FBXL17: variants seen among roughly 807,000 people sequenced by gnomAD.
FBXL17 encodes the protein F-box and leucine rich repeat protein 17.
Under a neutral mutation model 66.2 loss-of-function variants are expected in FBXL17, and 22 were observed. That is an observed-to-expected ratio of 0.33 (90% CI 0.24 to 0.47). The LOEUF (loss-of-function observed/expected upper bound fraction) is 0.47, where lower values mean the gene tolerates loss of function less well. FBXL17 is among the 20% of genes least tolerant of loss of function. The pLI is 1.00. For synonymous variants in FBXL17, 474 were observed against 400.5 expected, an observed-to-expected ratio of 1.18 and a Z score of -2.19; for missense variants, 878 against 948.2, an observed-to-expected ratio of 0.93 and a Z score of 0.97.
rs554444610 is a variant in FBXL17, at chr5:108,365,030, C to A, written c.1117-35G>T. The A allele has an allele frequency of 2.6e-6, 4 of 1,513,506 alleles. No individual in the cohort carries two copies. In the Admixed American group the frequency reaches 6.2e-5, roughly 23 times the overall value. The allele number at this position is 1,513,506 out of a possible 1,614,324, so 93.8% of individuals were successfully genotyped here. A position where few individuals can be genotyped will look rare whatever the true frequency, so the allele number is the denominator to read the frequency against. ...AAAAAGCAATAAATTTAAACTTTTG[C>A]TAAAAATAAAAACGTATTTTCCATT... On this transcript the variant is annotated intron_variant, in intron 2 of 8. Coordinates refer to ENST00000542267, the MANE Select transcript of FBXL17 (RefSeq NM_001163315.3).
At chr5:108,029,206 AGTCAT>A (rs1754939995) in intron 6 of FBXL17, among the ~76,000 whole-genome samples, 1 of 152,130 alleles carries the variant, frequency 6.6e-6, no homozygotes, top group South Asian at 2.1e-4. Flanking sequence ...AGAATAGGAT[AGTCAT>A]GACTTCTTGT....
intron 4 of FBXL17, among the ~76,000 whole-genome samples, chr5:108,336,868 AC>A (rs1760408276): frequency 1.3e-5 from 2 of 152,170 alleles, no homozygotes; most frequent in African/African-American, 4.8e-5. Context: ...TAAAAGCTAT[AC>A]TTTTATGTAC....
At chr5:108,129,693 T>C (rs1042654272) in intron 6 of FBXL17, among the ~76,000 whole-genome samples, 1 of 151,970 alleles carries the variant, frequency 6.6e-6, no homozygotes, top group Admixed American at 6.6e-5. Context: ...ATATATCAAA[T>C]TGCATTCCTT....
intron 1 of FBXL17, among the ~76,000 whole-genome samples, chr5:108,377,249 T>C (rs1345970228): frequency 1.3e-5 from 2 of 152,236 alleles, no homozygotes; most frequent in Non-Finnish European, 2.9e-5. Context: ...ATGTGCATAG[T>C]TTCACGTTAT....
intron 6 of FBXL17, among the ~76,000 whole-genome samples, chr5:108,070,909 G>A (rs1748306752): frequency 1.3e-5 from 2 of 152,172 alleles, no homozygotes; most frequent in African/African-American, 4.8e-5. Context: ...ACTCTTTGGT[G>A]TAAAAGAGTT....
chr5:108,026,482 T>C (rs1580345265), intron 6 of FBXL17, among the ~76,000 whole-genome samples: 1 of 152,224 alleles, frequency 6.6e-6, no homozygotes, highest in African/African-American at 2.4e-5. Context: ...CAATTTTTCA[T>C]GTAAACTTCT....
At chr5:108,375,395 A>AC (rs1561564522) in intron 1 of FBXL17, among the ~76,000 whole-genome samples, 3 of 148,896 alleles carry the variant, frequency 2.0e-5, no homozygotes, top group Non-Finnish European at 4.5e-5. Flanking sequence ...ACACACACAC[A>AC]AAATTGGCTA....
chr5:108,007,128 T>C (rs147201324), intron 7 of FBXL17, among the ~76,000 whole-genome samples: 14 of 152,308 alleles, frequency 9.2e-5, no homozygotes, highest in Non-Finnish European at 1.9e-4. Flanking sequence ...AATGGAAGAA[T>C]ATAGGTCACT....
intron 6 of FBXL17, among the ~76,000 whole-genome samples, chr5:108,109,374 A>G (rs1193083628): frequency 6.6e-6 from 1 of 152,140 alleles, no homozygotes; most frequent in Non-Finnish European, 1.5e-5. Context: ...ATGTCTGATG[A>G]TACAGGGACA....
intron 5 of FBXL17, among the ~76,000 whole-genome samples, chr5:108,219,146 G>A (rs772349828): frequency 3.9e-5 from 6 of 152,146 alleles, no homozygotes; most frequent in Non-Finnish European, 7.4e-5. Context: ...TAAAATGTGG[G>A]TAATAATAGT....
chr5:108,064,950 T>C (rs755047466), intron 6 of FBXL17, among the ~76,000 whole-genome samples: 1 of 152,070 alleles, frequency 6.6e-6, no homozygotes, highest in Admixed American at 6.5e-5. Context: ...ATTTTAATAT[T>C]AGATATTTTA....
intron 6 of FBXL17, among the ~76,000 whole-genome samples, chr5:108,101,667 T>C (rs1749605635): frequency 6.6e-6 from 1 of 152,250 alleles, no homozygotes. Flanking sequence ...TTTTAAAATA[T>C]ACTTTGTGAT....
intron 7 of FBXL17, among the ~76,000 whole-genome samples, chr5:108,009,194 C>CATATATATATAT (rs373679985): frequency 1.5e-4 from 8 of 54,158 alleles, no homozygotes; most frequent in African/African-American, 4.9e-4. Context: ...ATTTGAAAAG[C>CATATATATATAT]ATATATATAT....
At chr5:108,237,880 T>C (rs540034285) in intron 4 of FBXL17, among the ~76,000 whole-genome samples, 1 of 152,210 alleles carries the variant, frequency 6.6e-6, no homozygotes, top group East Asian at 1.9e-4. Context: ...ATGACAGAAA[T>C]ACCAAATGAA....
At chr5:108,042,747 C>T (rs922178285) in intron 6 of FBXL17, among the ~76,000 whole-genome samples, 1 of 152,098 alleles carries the variant, frequency 6.6e-6, no homozygotes, top group Non-Finnish European at 1.5e-5. Flanking sequence ...CTTCATTTCC[C>T]GAAGACAAAT....
intron 7 of FBXL17, among the ~76,000 whole-genome samples, chr5:107,999,780 CACTT>C (rs1343669678): frequency 6.6e-6 from 1 of 152,148 alleles, no homozygotes; most frequent in Non-Finnish European, 1.5e-5. Context: ...ACTCAATAAA[CACTT>C]ACTGGTTGAT....
chr5:108,380,715 G>C lies in FBXL17; in HGVS notation c.977C>G (p.Pro326Arg). ...CAGACCCACCTTGAGCAGGATGGACGGCGGCAGCTGGTTGATGTCTGGGGT... is the reference window on the plus strand; with the variant it reads ...CAGACCCACCTTGAGCAGGATGGACCGCGGCAGCTGGTTGATGTCTGGGGT... ...PETPDINQLP[P>R]SILLKIFSNL... Residue 326 changes from proline (P) to arginine (R), a missense_variant, in exon 1 of 9, where the codon CCG becomes CGG. Transcript: ENST00000542267. 8.0e-7 allele frequency: 1 copy of C among 1,249,580 alleles called. No homozygotes were observed. Among genetic ancestry groups the C allele is most frequent in the Non-Finnish European group, 1.0e-6 (1 of 989,192 alleles). 77.4% of individuals were successfully genotyped at this position (1,249,580 alleles called of 1,614,324 possible). A position where few individuals can be genotyped will look rare whatever the true frequency, so the allele number is the denominator to read the frequency against.
chr5:108,345,526 C>G (rs557737531), intron 4 of FBXL17, among the ~76,000 whole-genome samples: 2 of 150,240 alleles, frequency 1.3e-5, no homozygotes, highest in East Asian at 3.9e-4. Context: ...TAAAAATGTT[C>G]TACTATCTTA....
At chr5:107,981,124 C>A (rs1247067631) in intron 7 of FBXL17, among the ~76,000 whole-genome samples, 2 of 152,022 alleles carry the variant, frequency 1.3e-5, no homozygotes, top group African/African-American at 4.8e-5. Context: ...GAGACACAGG[C>A]AACGTCACAG....
Sources: gnomAD v4.1 joint callset for allele counts (sites outside exome capture counted in the v4.1 genomes callset) on GRCh38, gnomAD v4.1.1 for gene constraint, MANE v1.5 for transcripts, NCBI Gene and HGNC (gene_info 2026-07-23, HGNC 2026-07-21) for gene names.